PRSS23: variants seen among roughly 807,000 people sequenced by gnomAD.
PRSS23 encodes the protein serine protease 23, also known as protease, serine 23.
Under a neutral mutation model 34.7 loss-of-function variants are expected in PRSS23, and 25 were observed. The ratio of observed to expected loss-of-function variants is 0.72; its 90% confidence interval spans 0.53 to 1.01. The LOEUF is 1.01. Ranked by LOEUF, PRSS23 falls within the 50% of genes least tolerant of loss-of-function variation. The probability of loss-of-function intolerance (pLI) is 0.00; values close to 1 mark genes in which losing one functional copy is unlikely to be tolerated. For synonymous variants in PRSS23, 176 were observed against 186.6 expected, an observed-to-expected ratio of 0.94 and a Z score of 0.46; for missense variants, 445 against 475.6, an observed-to-expected ratio of 0.94 and a Z score of 0.60.
chr11:86,945,517 A>C (rs1949235509), intron 2 of PRSS23, among the ~76,000 whole-genome samples: 2 of 152,168 alleles, frequency 1.3e-5, no homozygotes, highest in African/African-American at 4.8e-5. Context: ...CGCAGGAGAA[A>C]TCCCACAGGG....
rs1469948810 is a variant in PRSS23 at position 86,809,068 on chromosome 11, A to G, written c.*273A>G. The G allele has an allele frequency of 3.0e-6, 1 of 334,720 alleles. No homozygotes were observed. The highest frequency in any genetic ancestry group is 5.2e-5 in the East Asian group (1 of 19,388). The allele number at this position is 334,720 out of a possible 1,614,324, so 20.7% of individuals were successfully genotyped here. Reference sequence around the variant, plus strand: ...AAAATACTGATTTGGGGCAATGAGGAATATTTGACAATTAAGTTAATCTTC... The same window carrying G: ...AAAATACTGATTTGGGGCAATGAGGGATATTTGACAATTAAGTTAATCTTC... On this transcript the variant is annotated 3_prime_UTR_variant, in exon 2 of 2. Coordinates refer to ENST00000280258, the MANE Select transcript of PRSS23 (RefSeq NM_007173.6).
intron 2 of PRSS23, among the ~76,000 whole-genome samples, chr11:86,943,340 G>T (rs1364455634): frequency 6.6e-6 from 1 of 152,226 alleles, no homozygotes; most frequent in Non-Finnish European, 1.5e-5. Context: ...AGAAATCAGA[G>T]GAGGCTGGGT....
downstream of PRSS23, among the ~76,000 whole-genome samples, chr11:86,812,390 A>C (rs1251478534): frequency 6.6e-6 from 1 of 152,204 alleles, no homozygotes. Context: ...GTCATCGTAC[A>C]TACATGGCAG....
At chr11:86,897,003 TAAG>T (rs1948881390) in intron 2 of PRSS23, among the ~76,000 whole-genome samples, 1 of 152,202 alleles carries the variant, frequency 6.6e-6, no homozygotes, top group African/African-American at 2.4e-5. Flanking sequence ...CCAGCTGAAA[TAAG>T]AACATAAGAA....
intron 2 of PRSS23, chr11:86,947,691 AGAG>A (rs901043201): frequency 9.9e-5 from 15 of 152,278 alleles, no homozygotes; most frequent in African/African-American, 3.6e-4. Context: ...CATAAAGGAA[AGAG>A]GATATGAATC....
chr11:86,833,481 A>G, intron 2 of PRSS23: 3 of 348,566 alleles, frequency 8.6e-6, no homozygotes, highest in Non-Finnish European at 1.6e-5. Context: ...ATGTATATAT[A>G]TATATATATT....
At position 86,817,761 on chromosome 11, in the gene PRSS23, G is replaced by A. The variant is rs139751069; in HGVS notation, c.-11-5616G>A. 3.5e-4 allele frequency among the ~76,000 whole-genome samples: 54 copies of A among 152,320 alleles called. 1 individual carries two copies. Among genetic ancestry groups the A allele is most frequent in the Non-Finnish European group, 6.6e-4 (45 of 68,024 alleles). On this transcript the variant is annotated intron_variant, in intron 1 of 2. Coordinates refer to the PRSS23 transcript ENST00000533902. ...CAAGCATGTATTGAGTACCTGTAAT[G>A]TGCCAGACACTTTTATGAATGATTT...
chr11:86,804,326 C>T (rs1948074834), intron 1 of PRSS23, among the ~76,000 whole-genome samples: 1 of 152,152 alleles, frequency 6.6e-6, no homozygotes, highest in African/African-American at 2.4e-5. Flanking sequence ...GCATTAGTTT[C>T]TAAAAGTCTG....
intron 2 of PRSS23, chr11:86,857,960 A>T (rs1034903808): frequency 5.0e-6 from 2 of 401,206 alleles, no homozygotes; most frequent in Non-Finnish European, 9.8e-6. Context: ...CCAGTATCGC[A>T]GGGGGTTGTA....
chr11:86,842,956 T>G (rs964521949), intron 2 of PRSS23, among the ~76,000 whole-genome samples: 1 of 152,156 alleles, frequency 6.6e-6, no homozygotes, highest in Non-Finnish European at 1.5e-5. Context: ...AGAGCCCACA[T>G]AGCCAAGACA....
At chr11:86,824,366 AAAAT>A (rs1211736729) in intron 2 of PRSS23, among the ~76,000 whole-genome samples, 7 of 149,462 alleles carry the variant, frequency 4.7e-5, no homozygotes, top group Admixed American at 1.3e-4. Context: ...AAAATAAAAT[AAAAT>A]AAATAAAATA....
At chr11:86,865,743 T>C (rs1266280385) in intron 2 of PRSS23, among the ~76,000 whole-genome samples, 3 of 152,142 alleles carry the variant, frequency 2.0e-5, no homozygotes, top group African/African-American at 7.2e-5. Flanking sequence ...AGGTCCCTAC[T>C]CCTCCCCACC....
chr11:86,942,298 C>T (rs942735078), intron 2 of PRSS23, among the ~76,000 whole-genome samples: 1 of 152,136 alleles, frequency 6.6e-6, no homozygotes, highest in African/African-American at 2.4e-5. Context: ...ACATTCCAGG[C>T]AAAAGGAAAC....
chr11:86,928,259 C>A (rs1949095752), intron 2 of PRSS23, among the ~76,000 whole-genome samples: 1 of 147,256 alleles, frequency 6.8e-6, no homozygotes. Flanking sequence ...TTATTATATA[C>A]TTATACATAT....
intron 2 of PRSS23, among the ~76,000 whole-genome samples, chr11:86,878,591 G>A (rs1948742709): frequency 6.6e-6 from 1 of 152,136 alleles, no homozygotes; most frequent in Admixed American, 6.5e-5. Flanking sequence ...CTGGAGTGCA[G>A]TGGCGTGATC....
At chr11:86,851,375 A>T (rs1440649783) in intron 2 of PRSS23, among the ~76,000 whole-genome samples, 1 of 152,186 alleles carries the variant, frequency 6.6e-6, no homozygotes, top group African/African-American at 2.4e-5. Context: ...GGGATCTTTG[A>T]TGTCATCTTA....
Position 86,831,283 on chromosome 11 carries a change from G to C in PRSS23, c.206+7690G>C, listed in dbSNP as rs144166692. On this transcript the variant is annotated intron_variant, in intron 2 of 2. Transcript: ENST00000533902. ...TTTTGTATTATTCGTAATATCCTAA[G>C]GGAATATTACTCCTAATGTCATAGC... Among the ~76,000 whole-genome samples, 4 of 151,288 alleles carry C rather than the reference G, an allele frequency of 2.6e-5. No individual in the cohort carries two copies. In the East Asian group the frequency reaches 5.9e-4, roughly 22 times the overall value.
chr11:86,826,765 CTT>C (rs908343134), intron 2 of PRSS23, among the ~76,000 whole-genome samples: 26 of 152,228 alleles, frequency 1.7e-4, no homozygotes, highest in African/African-American at 4.1e-4. Flanking sequence ...TGATTTTTGT[CTT>C]TGGTTCTGTT....
At chr11:86,851,153 T>C (rs772682142) in intron 2 of PRSS23, among the ~76,000 whole-genome samples, 2 of 152,204 alleles carry the variant, frequency 1.3e-5, no homozygotes, top group Non-Finnish European at 2.9e-5. Flanking sequence ...TTCATGGTCT[T>C]CCAACACTCA....
Sources: gnomAD v4.1 joint callset for allele counts (sites outside exome capture counted in the v4.1 genomes callset) on GRCh38, gnomAD v4.1.1 for gene constraint, MANE v1.5 for transcripts, NCBI Gene and HGNC (gene_info 2026-07-23, HGNC 2026-07-21) for gene names.